GPC6: variants seen among roughly 807,000 people sequenced by gnomAD.
The protein encoded by GPC6 is glypican-6.
GPC6 carries 14 observed loss-of-function variants against 55.2 expected under a neutral mutation model. That is an observed-to-expected ratio of 0.25 (90% CI 0.17 to 0.40). The LOEUF (loss-of-function observed/expected upper bound fraction) is 0.40, where lower values mean the gene tolerates loss of function less well. Ranked by LOEUF, GPC6 falls within the 10% of genes least tolerant of loss-of-function variation. The pLI is 1.00. For missense variants in GPC6, 641 were observed against 708.5 expected, an observed-to-expected ratio of 0.90 and a Z score of 1.08; for synonymous variants, 278 against 259.6, an observed-to-expected ratio of 1.07 and a Z score of -0.68.
At chr13:93,605,814 C>T (rs1002620797) in intron 2 of GPC6, among the ~76,000 whole-genome samples, 13 of 145,488 alleles carry the variant, frequency 8.9e-5, no homozygotes, top group African/African-American at 3.1e-4. Flanking sequence ...TGCACTCCAG[C>T]CTGGGTGACA....
chr13:94,272,932 A>T (rs562341517), intron 4 of GPC6, among the ~76,000 whole-genome samples: 121 of 152,138 alleles, frequency 8.0e-4, no homozygotes, highest in Admixed American at 2.2e-3. Context: ...GAACTCAGTG[A>T]CCTTCTTCAC....
intron 4 of GPC6, among the ~76,000 whole-genome samples, chr13:94,098,779 A>G (rs1030260870): frequency 6.6e-6 from 1 of 152,168 alleles, no homozygotes; most frequent in African/African-American, 2.4e-5. Context: ...GATCCACATT[A>G]TTTGACTAAA....
intron 4 of GPC6, among the ~76,000 whole-genome samples, chr13:94,163,370 T>C (rs1888236398): frequency 6.6e-6 from 1 of 152,176 alleles, no homozygotes; most frequent in Admixed American, 6.5e-5. Context: ...TAGGATTTTT[T>C]TCAAGCAAGT....
chr13:93,953,993 A>G (rs1273823510), intron 3 of GPC6, among the ~76,000 whole-genome samples: 1 of 152,090 alleles, frequency 6.6e-6, no homozygotes, highest in Admixed American at 6.6e-5. Context: ...AACCATCACT[A>G]TTGTCTAATT....
At chr13:93,847,070 A>C (rs995940187) in intron 3 of GPC6, among the ~76,000 whole-genome samples, 1 of 152,120 alleles carries the variant, frequency 6.6e-6, no homozygotes, top group South Asian at 2.1e-4. Context: ...TTTTGTCTGT[A>C]ATTGGAACTC....
chr13:94,382,657 G>T (rs1373438038), intron 7 of GPC6, 107 bp downstream of exon 7: 101 of 1,444,500 alleles, frequency 7.0e-5, no homozygotes, highest in Non-Finnish European at 9.6e-5. Context: ...GCAACAGAGG[G>T]TGGAGGGACA....
At chr13:93,582,485 A>C (rs1426302981) in intron 2 of GPC6, among the ~76,000 whole-genome samples, 5 of 152,228 alleles carry the variant, frequency 3.3e-5, no homozygotes, top group African/African-American at 1.2e-4. Context: ...CCCATTTCAT[A>C]GGAAGAACAT....
At chr13:93,801,870 A>C (rs201515338) in intron 2 of GPC6, among the ~76,000 whole-genome samples, 1 of 152,212 alleles carries the variant, frequency 6.6e-6, no homozygotes, top group East Asian at 1.9e-4. Flanking sequence ...AATTCATCTT[A>C]GAATTCCCAA....
intron 3 of GPC6, among the ~76,000 whole-genome samples, chr13:93,865,435 C>T (rs951630231): frequency 4.0e-5 from 6 of 151,878 alleles, no homozygotes; most frequent in African/African-American, 1.4e-4. Context: ...CGGATTATGA[C>T]TTCTGCTCTG....
chr13:93,625,090 T>C lies in GPC6; in HGVS notation c.319+79669T>C, dbSNP rs564441827. Among the ~76,000 whole-genome samples, 10 of 152,302 alleles carry C rather than the reference T, an allele frequency of 6.6e-5. No individual in the cohort carries two copies. In the South Asian group the frequency reaches 2.1e-3, roughly 32 times the overall value. On this transcript the variant is annotated intron_variant, in intron 2 of 8. Coordinates refer to ENST00000377047, the MANE Select transcript of GPC6 (RefSeq NM_005708.5). Reference sequence around the variant, plus strand: ...AAAAATAAGATGAAGTAAAACACATTGGTTGGAAATTGTAGAATGACTATA... The same window carrying C: ...AAAAATAAGATGAAGTAAAACACATCGGTTGGAAATTGTAGAATGACTATA...
intron 3 of GPC6, among the ~76,000 whole-genome samples, chr13:93,955,801 A>G (rs1879483610): frequency 6.6e-6 from 1 of 152,202 alleles, no homozygotes; most frequent in African/African-American, 2.4e-5. Context: ...ACAGAATTTA[A>G]CAGATATCTC....
intron 1 of GPC6, among the ~76,000 whole-genome samples, chr13:93,368,370 T>TTCCG (rs1291806245): frequency 3.6e-4 from 45 of 124,590 alleles, no homozygotes; most frequent in Admixed American, 3.4e-4. Context: ...CCTTCCTTCC[T>TTCCG]TCCTTCCTTC....
chr13:93,813,371 T>C (rs1416440399), intron 2 of GPC6, among the ~76,000 whole-genome samples: 2 of 152,090 alleles, frequency 1.3e-5, no homozygotes, highest in East Asian at 3.9e-4. Context: ...TGAGCCGAGA[T>C]CATGCCACTG....
chr13:94,019,778 C>T lies in GPC6; in HGVS notation c.712-7951C>T, dbSNP rs115228338. 4.3e-3 allele frequency among the ~76,000 whole-genome samples: 655 copies of T among 152,286 alleles called. 8 individuals carry two copies. Among genetic ancestry groups the T allele is most frequent in the African/African-American group, 0.015 (626 of 41,558 alleles). On this transcript the variant is annotated intron_variant, in intron 3 of 8. Transcript: ENST00000377047. Reference sequence around the variant, plus strand: ...GGCTCTGGATGGACATGCATTTTGTCAGGATTCTATTTAATCCACCACAGC... The same window carrying T: ...GGCTCTGGATGGACATGCATTTTGTTAGGATTCTATTTAATCCACCACAGC...
At chr13:93,463,166 ATTACTTGTGG>A (rs1878766328) in intron 1 of GPC6, among the ~76,000 whole-genome samples, 1 of 152,232 alleles carries the variant, frequency 6.6e-6, no homozygotes, top group African/African-American at 2.4e-5. Flanking sequence ...AAGGAATGAA[ATTACTTGTGG>A]TATAATCTAT....
chr13:94,143,294 A>C (rs1468663016), intron 4 of GPC6, among the ~76,000 whole-genome samples: 1 of 152,180 alleles, frequency 6.6e-6, no homozygotes, highest in Non-Finnish European at 1.5e-5. Context: ...TATTACCAGC[A>C]AAAAGAGAAA....
At chr13:93,574,721 C>T (rs1389720376) in intron 2 of GPC6, among the ~76,000 whole-genome samples, 2 of 152,256 alleles carry the variant, frequency 1.3e-5, no homozygotes, top group East Asian at 1.9e-4. Flanking sequence ...GGTTTGCTGT[C>T]AATGCCCATT....
At chr13:94,349,368 C>T (rs1878428604) in intron 6 of GPC6, among the ~76,000 whole-genome samples, 1 of 152,142 alleles carries the variant, frequency 6.6e-6, no homozygotes, top group South Asian at 2.1e-4. Context: ...CTACTCATCC[C>T]TTTTGGTTTC....
rs149213267 is a variant in GPC6, at chr13:93,697,472, A to G, written c.320-132682A>G. On this transcript the variant is annotated intron_variant, in intron 2 of 8. Coordinates refer to ENST00000377047, the MANE Select transcript of GPC6 (RefSeq NM_005708.5). ...AACTTAATTCTATATCTGTTTTACT[A>G]ATTTGATTACTTTTCTCCCACTAAT... Among the ~76,000 whole-genome samples the G allele has an allele frequency of 1.8e-3, 280 of 152,304 alleles. 1 individual carries two copies. The highest frequency in any genetic ancestry group is 6.2e-3 in the African/African-American group (259 of 41,574).
Sources: gnomAD v4.1 joint callset for allele counts (sites outside exome capture counted in the v4.1 genomes callset) on GRCh38, gnomAD v4.1.1 for gene constraint, MANE v1.5 for transcripts, NCBI Gene and HGNC (gene_info 2026-07-23, HGNC 2026-07-21) for gene names.